Variants in SUZ12 observed in about 807,000 individuals in gnomAD.
SUZ12 encodes polycomb protein SUZ12.
A neutral mutation model predicts 87.3 loss-of-function variants in SUZ12; 17 were observed. The observed-to-expected ratio is 0.19, with a 90% CI of 0.13 to 0.29. SUZ12 has a LOEUF of 0.29. SUZ12 is among the 10% of genes least tolerant of loss of function. The probability of loss-of-function intolerance (pLI) is 1.00; values close to 1 mark genes in which losing one functional copy is unlikely to be tolerated. For synonymous variants in SUZ12, 253 were observed against 312.4 expected, an observed-to-expected ratio of 0.81 and a Z score of 2.01; for missense variants, 526 against 912.2, an observed-to-expected ratio of 0.58 and a Z score of 5.45.
intron 9 of SUZ12, among the ~76,000 whole-genome samples, chr17:31,983,623 A>C (rs549078025): frequency 5.9e-5 from 9 of 152,168 alleles, no homozygotes; most frequent in African/African-American, 1.7e-4. Flanking sequence ...GCCTGATTCA[A>C]ATGTCTGCTC....
At chr17:31,951,070 G>A (rs1340975487) in intron 4 of SUZ12, among the ~76,000 whole-genome samples, 7 of 152,096 alleles carry the variant, frequency 4.6e-5, no homozygotes, top group African/African-American at 1.2e-4. Flanking sequence ...GTGAGCCACC[G>A]CGCCCGGCAT....
chr17:31,989,891 G>A (rs916008532), intron 10 of SUZ12, among the ~76,000 whole-genome samples: 34 of 151,364 alleles, frequency 2.2e-4, no homozygotes, highest in African/African-American at 4.4e-4. Flanking sequence ...TTACAGGCAC[G>A]AGCCACTGTG....
chr17:31,946,618 G>A (rs1163424275), intron 3 of SUZ12, among the ~76,000 whole-genome samples: 14 of 152,168 alleles, frequency 9.2e-5, no homozygotes, highest in Admixed American at 2.6e-4. Context: ...CTGCATTCAA[G>A]CATTATAAAG....
rs367890950 is a variant in SUZ12 at position 31,983,145 on chromosome 17, A to C, written c.1023+41A>C. On this transcript the variant is annotated intron_variant, in intron 9 of 15. Transcript: ENST00000322652. ...AAGGTTGAGCACGTTATAGTTATGA[A>C]CTCCCATTTTTGACTGATGTTTTCT... The C allele has an allele frequency of 1.5e-5, 23 of 1,570,122 alleles. No homozygotes were observed. The African/African-American group carries it at 2.9e-4, about 20-fold the overall frequency.
At chr17:31,938,175 A>G (rs1230908902) in intron 1 of SUZ12, among the ~76,000 whole-genome samples, 3 of 152,148 alleles carry the variant, frequency 2.0e-5, no homozygotes, top group African/African-American at 7.2e-5. Flanking sequence ...TTCTGTTTCT[A>G]AGTTCTGTCT....
intron 4 of SUZ12, among the ~76,000 whole-genome samples, chr17:31,954,002 G>T (rs144132195): frequency 6.6e-6 from 1 of 151,862 alleles, no homozygotes; most frequent in Non-Finnish European, 1.5e-5. Flanking sequence ...GTGAGCCACC[G>T]AGCCCGGCTC....
At chr17:31,975,237 A>T (rs1908675227) in intron 6 of SUZ12, among the ~76,000 whole-genome samples, 1 of 152,198 alleles carries the variant, frequency 6.6e-6, no homozygotes, top group Non-Finnish European at 1.5e-5. Context: ...GCTAAATATT[A>T]GGTATACTGT....
intron 11 of SUZ12, 34 bp downstream of exon 11, chr17:31,993,367 G>A (rs774240124): frequency 7.4e-7 from 1 of 1,344,530 alleles, no homozygotes. Context: ...AAGTAATTAT[G>A]AAATGTATTT....
At chr17:31,945,539 T>A (rs1906586549) in intron 3 of SUZ12, among the ~76,000 whole-genome samples, 4 of 152,226 alleles carry the variant, frequency 2.6e-5, no homozygotes, top group Admixed American at 2.0e-4. Context: ...TTTCTTGAAT[T>A]TTTAAATATG....
chr17:31,980,522 T>A (rs1473966254), intron 8 of SUZ12, among the ~76,000 whole-genome samples: 1 of 133,502 alleles, frequency 7.5e-6, no homozygotes, highest in Non-Finnish European at 1.5e-5. Context: ...CCATCTCAGC[T>A]CACCGCTACC....
chr17:31,996,923 G>A (rs1910005072), intron 15 of SUZ12, 46 bp downstream of exon 15: 1 of 1,145,398 alleles, frequency 8.7e-7, no homozygotes, highest in South Asian at 2.2e-5. Context: ...ATTCTTTATG[G>A]TCTTTTGCTG....
At chr17:31,969,044 C>G (rs529823057) in intron 5 of SUZ12, among the ~76,000 whole-genome samples, 1 of 152,176 alleles carries the variant, frequency 6.6e-6, no homozygotes, top group African/African-American at 2.4e-5. Context: ...GTAGTTTGAT[C>G]TCAGATCACT....
At chr17:31,991,258 T>C (rs969772231) in intron 10 of SUZ12, among the ~76,000 whole-genome samples, 6 of 152,102 alleles carry the variant, frequency 3.9e-5, no homozygotes, top group African/African-American at 1.5e-4. Context: ...ACATCTGTAA[T>C]TCCAGCACTT....
intron 4 of SUZ12, among the ~76,000 whole-genome samples, chr17:31,956,293 A>C (rs1013686539): frequency 4.0e-5 from 6 of 151,736 alleles, no homozygotes; most frequent in Admixed American, 2.0e-4. Context: ...TCCTGGGTTC[A>C]AGCAATTTTC....
At chr17:31,949,663 C>A (rs1340743559) in intron 4 of SUZ12, among the ~76,000 whole-genome samples, 143 of 22,052 alleles carry the variant, frequency 6.5e-3, no homozygotes, top group African/African-American at 0.029. Flanking sequence ...ACACCCAGCC[C>A]CCCCCCCCCC....
intron 4 of SUZ12, chr17:31,965,815 A>G (rs1406110162): frequency 1.1e-5 from 2 of 190,288 alleles, no homozygotes; most frequent in Non-Finnish European, 2.2e-5. Context: ...GTCATTTTAT[A>G]GGTAGAACAC....
chr17:31,970,541 T>G (rs547473), intron 5 of SUZ12, among the ~76,000 whole-genome samples: 23,381 of 151,604 alleles, frequency 0.15, 2,008 homozygotes, highest in African/African-American at 0.22. Flanking sequence ...ATCATGAGAA[T>G]TGCTTGAACC....
At chr17:31,941,141 G>A (rs1321143925) in intron 3 of SUZ12, among the ~76,000 whole-genome samples, 1 of 151,522 alleles carries the variant, frequency 6.6e-6, no homozygotes, top group Non-Finnish European at 1.5e-5. Context: ...CAGAGTGTCT[G>A]TCCAGGTTGG....
At chr17:31,985,701 C>T (rs1478792608) in intron 9 of SUZ12, among the ~76,000 whole-genome samples, 2 of 151,006 alleles carry the variant, frequency 1.3e-5, no homozygotes, top group Non-Finnish European at 2.9e-5. Flanking sequence ...TTCACTCTGT[C>T]ACCCAGGCTG....
Sources: allele counts gnomAD v4.1 joint callset (sites outside exome capture counted in the v4.1 genomes callset), GRCh38; gene constraint gnomAD v4.1.1; transcripts MANE v1.5; gene names NCBI Gene and HGNC (gene_info 2026-07-23, HGNC 2026-07-21).